P2RY14: variants seen among roughly 807,000 people sequenced by gnomAD.
The protein encoded by P2RY14 is purinergic receptor P2Y14, also known as P2Y purinoceptor 14.
Under a neutral mutation model 0.9 loss-of-function variants are expected in P2RY14, and 2 were observed. That is an observed-to-expected ratio of 2.16 (90% CI 0.88 to 6.79). The LOEUF is 6.79. P2RY14 is among the 30% of genes most tolerant of loss of function. The pLI is 0.05. For missense variants in P2RY14, 378 were observed against 400.1 expected, an observed-to-expected ratio of 0.94 and a Z score of 0.47; for synonymous variants, 158 against 147.2, an observed-to-expected ratio of 1.07 and a Z score of -0.53.
intron 1 of P2RY14, among the ~76,000 whole-genome samples, chr3:151,222,479 G>A (rs1018591463): frequency 4.6e-5 from 7 of 152,132 alleles, no homozygotes; most frequent in African/African-American, 1.7e-4. Flanking sequence ...TGAATTATGG[G>A]AGTAGATCTT....
chr3:151,216,451 T>TA (rs956190587), intron 2 of P2RY14, among the ~76,000 whole-genome samples: 1 of 152,190 alleles, frequency 6.6e-6, no homozygotes, highest in Non-Finnish European at 1.5e-5. Flanking sequence ...ACATTCCACA[T>TA]AAAAAATAGT....
chr3:151,249,049 A>G (rs1242945669), intron 1 of P2RY14: 1 of 152,220 alleles, frequency 6.6e-6, no homozygotes, highest in Non-Finnish European at 1.5e-5. Context: ...ACATCTCGCC[A>G]AATGCTTGAA....
intron 1 of P2RY14, among the ~76,000 whole-genome samples, chr3:151,227,341 TACA>T (rs1730724728): frequency 6.6e-6 from 1 of 152,220 alleles, no homozygotes; most frequent in South Asian, 2.1e-4. Context: ...TCACAGTCTT[TACA>T]ACCCATAAAG....
chr3:151,238,698 A>G (rs1733428388), intron 1 of P2RY14, among the ~76,000 whole-genome samples: 1 of 152,248 alleles, frequency 6.6e-6, no homozygotes, highest in Non-Finnish European at 1.5e-5. Context: ...TTAAACAAGA[A>G]AAGAAAAATC....
intron 1 of P2RY14, among the ~76,000 whole-genome samples, chr3:151,234,390 T>C (rs1180419609): frequency 6.6e-6 from 1 of 152,236 alleles, no homozygotes; most frequent in East Asian, 1.9e-4. Flanking sequence ...ATAGTTACGT[T>C]GTAGAGCTGA....
chr3:151,227,418 AG>A (rs140138752), intron 1 of P2RY14, among the ~76,000 whole-genome samples: 4,105 of 152,310 alleles, frequency 0.027, 179 homozygotes, highest in African/African-American at 0.093. Flanking sequence ...GAGAATGGTA[AG>A]GGGGGACGGA....
rs546083716 is a variant in P2RY14 at position 151,274,784 on chromosome 3, A to G, written c.-133+3503T>C. ...ATCAATTCCTAGGAGTGATGATGTT[A>G]AGGTTTGTGGATATGTCTGTTAGAA... On this transcript the variant is annotated intron_variant, in intron 1 of 2. Transcript: ENST00000309170. Among the ~76,000 whole-genome samples the G allele has an allele frequency of 2.6e-5, 4 of 152,304 alleles. No individual in the cohort carries two copies. In the East Asian group the frequency reaches 7.7e-4, roughly 29 times the overall value.
At chr3:151,230,385 T>C (rs1731414262) in intron 1 of P2RY14, among the ~76,000 whole-genome samples, 1 of 152,246 alleles carries the variant, frequency 6.6e-6, no homozygotes, top group Admixed American at 6.5e-5. Context: ...GAAAATAGTC[T>C]TATGTCTTGC....
intron 2 of P2RY14, among the ~76,000 whole-genome samples, chr3:151,219,038 T>G (rs973865074): frequency 6.6e-6 from 1 of 152,190 alleles, no homozygotes; most frequent in African/African-American, 2.4e-5. Context: ...TTGGAGACTT[T>G]GGTAACATAA....
chr3:151,221,240 C>T (rs1040885312), intron 1 of P2RY14, among the ~76,000 whole-genome samples: 1 of 152,116 alleles, frequency 6.6e-6, no homozygotes, highest in African/African-American at 2.4e-5. Flanking sequence ...TAAAAGCATT[C>T]AGTTTTATAA....
chr3:151,251,775 C>G (rs1001466268), intron 1 of P2RY14, among the ~76,000 whole-genome samples: 4 of 152,180 alleles, frequency 2.6e-5, no homozygotes, highest in Non-Finnish European at 4.4e-5. Flanking sequence ...CTTCTTTCAC[C>G]TGGCTTATTC....
At chr3:151,266,940 T>G (rs1739948238) in intron 1 of P2RY14, among the ~76,000 whole-genome samples, 1 of 152,230 alleles carries the variant, frequency 6.6e-6, no homozygotes, top group Admixed American at 6.5e-5. Context: ...CATTCTGTCC[T>G]GGAGTGTTTT....
chr3:151,238,367 G>C (rs1031301607), intron 1 of P2RY14, among the ~76,000 whole-genome samples: 1 of 152,042 alleles, frequency 6.6e-6, no homozygotes, highest in Non-Finnish European at 1.5e-5. Context: ...GGCTGGTCTC[G>C]AACTCCTGAC....
intron 2 of P2RY14, among the ~76,000 whole-genome samples, chr3:151,216,835 C>A (rs144249930): frequency 1.8e-3 from 273 of 152,300 alleles, no homozygotes; most frequent in African/African-American, 6.3e-3. Flanking sequence ...GACTAAGAGT[C>A]TGTGGCTGGT....
intron 1 of P2RY14, among the ~76,000 whole-genome samples, chr3:151,223,187 A>C (rs1320177917): frequency 6.6e-6 from 1 of 151,104 alleles, no homozygotes; most frequent in African/African-American, 2.4e-5. Context: ...AAAAAAAAAA[A>C]AAACTAGATG....
chr3:151,265,229 A>C (rs916564896), intron 1 of P2RY14, among the ~76,000 whole-genome samples: 13 of 152,218 alleles, frequency 8.5e-5, no homozygotes, highest in African/African-American at 3.1e-4. Context: ...CTACTCATAG[A>C]ATATAATGTA....
chr3:151,213,063 A>G lies in P2RY14; in HGVS notation c.*237T>C, dbSNP rs1156429097. 3.5e-6 allele frequency: 1 copy of G among 282,046 alleles called. No homozygotes were observed. The highest frequency in any genetic ancestry group is 2.2e-5 in the African/African-American group (1 of 45,554). 17.5% of individuals were successfully genotyped at this position (282,046 alleles called of 1,614,324 possible). A position where few individuals can be genotyped will look rare whatever the true frequency, so the allele number is the denominator to read the frequency against. On this transcript the variant is annotated 3_prime_UTR_variant, in exon 3 of 3. Coordinates refer to ENST00000309170, the MANE Select transcript of P2RY14 (RefSeq NM_014879.4). ...ATAATAGAATTGAATAATTGTATGTATTAATTTTTTATTAATAGAGAATAG... is the reference window on the plus strand; with the variant it reads ...ATAATAGAATTGAATAATTGTATGTGTTAATTTTTTATTAATAGAGAATAG...
intron 1 of P2RY14, among the ~76,000 whole-genome samples, chr3:151,225,079 A>T (rs1294784281): frequency 6.6e-6 from 1 of 152,214 alleles, no homozygotes; most frequent in African/African-American, 2.4e-5. Context: ...TGGATATTTT[A>T]GAACTTCTTT....
rs113739348 is a variant in P2RY14, at chr3:151,275,249, C to T, written c.-133+3038G>A. Among the ~76,000 whole-genome samples, 1,452 of 152,180 alleles carry T rather than the reference C, an allele frequency of 9.5e-3. 22 individuals carry two copies. Among genetic ancestry groups the T allele is most frequent in the African/African-American group, 0.034 (1,394 of 41,506 alleles). Reference sequence around the variant, plus strand: ...GATCACACCACAAGTGTACAGATCGCTTTGGGCCAACCTCAGAAGCCAACT... The same window carrying T: ...GATCACACCACAAGTGTACAGATCGTTTTGGGCCAACCTCAGAAGCCAACT... On this transcript the variant is annotated intron_variant, in intron 1 of 2. Transcript: ENST00000309170.
Sources: allele counts gnomAD v4.1 joint callset (sites outside exome capture counted in the v4.1 genomes callset), GRCh38; gene constraint gnomAD v4.1.1; transcripts MANE v1.5; gene names NCBI Gene and HGNC (gene_info 2026-07-23, HGNC 2026-07-21).